The following TNNI3K variants were observed in gnomAD, a reference collection of about 807,000 sequenced individuals.
The protein encoded by TNNI3K is serine/threonine-protein kinase TNNI3K.
In TNNI3K, 140 loss-of-function variants were observed where a neutral mutation model predicts 114.5. The ratio of observed to expected loss-of-function variants is 1.22; its 90% CI spans 1.07 to 1.41. The LOEUF (loss-of-function observed/expected upper bound fraction) is 1.41, where lower values mean the gene tolerates loss of function less well. Among genes scored for constraint, TNNI3K ranks in the 40% most tolerant of loss-of-function variants. TNNI3K has a pLI of 0.00. For missense variants in TNNI3K, 1,125 were observed against 1,007.6 expected (o/e 1.12, Z -1.58); for synonymous variants, 347 against 347.5 (o/e 1.00, Z 0.02).
chr1:74,469,578 CTT>C (rs3835392), intron 21 of TNNI3K: 334 of 207,822 alleles, frequency 1.6e-3, no homozygotes, highest in East Asian at 6.3e-3. Context: ...TTGTTTAAGG[CTT>C]TTTTTTTTTC....
rs913707280 is a variant in TNNI3K, at chr1:74,538,076, C to A, written c.2352-2158C>A. ...CTAAAATGCTCATTCTTAACCGTAG[C>A]ACTATACTGCTTCCTGCCAGGGATA... is the stretch of plus-strand genomic sequence containing the variant. On this transcript the variant is annotated intron_variant, in intron 23 of 24. Coordinates refer to ENST00000326637, the MANE Select transcript of TNNI3K (RefSeq NM_015978.3). 2.6e-5 allele frequency among the ~76,000 whole-genome samples: 4 copies of A among 152,190 alleles called. 1 individual carries two copies. The highest frequency in any genetic ancestry group is 6.6e-5 in the Admixed American group (1 of 15,258).
At chr1:74,248,860 T>C (rs1452699932) in intron 2 of TNNI3K, among the ~76,000 whole-genome samples, 1 of 152,214 alleles carries the variant, frequency 6.6e-6, no homozygotes, top group Non-Finnish European at 1.5e-5. Flanking sequence ...ATGTCTTGTA[T>C]CTCTTGTGCC....
At chr1:74,419,582 G>A (rs1382618723) in intron 17 of TNNI3K, among the ~76,000 whole-genome samples, 1 of 151,998 alleles carries the variant, frequency 6.6e-6, no homozygotes, top group Non-Finnish European at 1.5e-5. Flanking sequence ...TGTGATGTGT[G>A]TACATTGTGT....
chr1:74,332,619 A>G lies in TNNI3K; in HGVS notation c.543+1071A>G, dbSNP rs114577796. ...CCAGCCTATTTGCCCATTCTTATCAATGGTATACATGAAGCTCAGTCAGGT... is the reference window on the plus strand; with the variant it reads ...CCAGCCTATTTGCCCATTCTTATCAGTGGTATACATGAAGCTCAGTCAGGT... On this transcript the variant is annotated intron_variant, in intron 6 of 24. Transcript: ENST00000326637. Among the ~76,000 whole-genome samples, 625 of 152,138 alleles carry G rather than the reference A, an allele frequency of 4.1e-3. 4 individuals carry two copies. Among genetic ancestry groups the G allele is most frequent in the African/African-American group, 0.014 (601 of 41,504 alleles).
chr1:74,365,602 T>C (rs1427770698), intron 11 of TNNI3K, among the ~76,000 whole-genome samples: 1 of 152,134 alleles, frequency 6.6e-6, no homozygotes, highest in East Asian at 1.9e-4. Context: ...GTAGCCACAC[T>C]GGCCTTTTTT....
In TNNI3K at chr1:74,256,283, C is replaced by CT. The variant is rs61636791; in HGVS notation, c.333+5547dup. Among the ~76,000 whole-genome samples the CT allele has an allele frequency of 3.3e-3, 140 of 42,770 alleles. 1 individual carries two copies. The highest frequency in any genetic ancestry group is 4.7e-3 in the Non-Finnish European group (95 of 20,048). The allele number at this position is 42,770 out of a possible 152,430, so 28.1% of individuals were successfully genotyped here. On this transcript the variant is annotated intron_variant, in intron 4 of 24. Transcript: ENST00000326637. ...CTTTCCGGCACTTGGTGTGGTCAGT[C>CT]TTTTTTTTTTTTTTTTTTTTTTTTT...
chr1:74,367,927 T>A lies in TNNI3K; in HGVS notation c.1284T>A (p.Val428=). ...QPGGDGSYVS[V]PSPLGKIKSM... ...TTCTAGATGGCTCCTATGTGTCTGT[T>A]CCATCACCCTTGGGGAAGATTAAAA... The change falls in exon 13 of 25, where the codon GTT becomes GTA. Residue 428 remains valine (V), a synonymous_variant. Coordinates refer to ENST00000326637, the MANE Select transcript of TNNI3K (RefSeq NM_015978.3). 6.3e-7 allele frequency: 1 copy of A among 1,577,264 alleles called. No homozygotes were observed. Among genetic ancestry groups the A allele is most frequent in the Admixed American group, 1.9e-5 (1 of 52,830 alleles).
chr1:74,292,310 A>T (rs1657729949), intron 5 of TNNI3K, among the ~76,000 whole-genome samples: 1 of 151,486 alleles, frequency 6.6e-6, no homozygotes, highest in Admixed American at 6.6e-5. Context: ...AGATGGATGC[A>T]TAGCTTAGCT....
At chr1:74,543,062 CCCTT>C (rs1367113952) in intron 24 of TNNI3K, among the ~76,000 whole-genome samples, 36,405 of 104,478 alleles carry the variant, frequency 0.35, 12,629 homozygotes, top group Non-Finnish European at 0.45. Context: ...TTTTCTTTTT[CCCTT>C]TTTTTTTTTT....
chr1:74,504,651 AG>A (rs1220516530), intron 23 of TNNI3K, among the ~76,000 whole-genome samples: 17 of 152,276 alleles, frequency 1.1e-4, no homozygotes, highest in Admixed American at 3.9e-4. Flanking sequence ...AAAAAATTTA[AG>A]TACCTGGATT....
chr1:74,396,876 T>C (rs1303504862), intron 17 of TNNI3K, among the ~76,000 whole-genome samples: 1 of 152,206 alleles, frequency 6.6e-6, no homozygotes, highest in African/African-American at 2.4e-5. Flanking sequence ...GGGCAAGGCC[T>C]CTTAGAGGTT....
intron 23 of TNNI3K, among the ~76,000 whole-genome samples, chr1:74,521,421 A>T (rs1185339204): frequency 1.3e-5 from 2 of 152,178 alleles, no homozygotes; most frequent in African/African-American, 4.8e-5. Flanking sequence ...ATAAATGTTA[A>T]CTATTTTATG....
At chr1:74,415,737 GT>G (rs937080843) in intron 17 of TNNI3K, among the ~76,000 whole-genome samples, 24 of 137,554 alleles carry the variant, frequency 1.7e-4, no homozygotes, top group Middle Eastern at 3.7e-3. Flanking sequence ...AATTTTCTTT[GT>G]TTTTTTTTTC....
intron 11 of TNNI3K, among the ~76,000 whole-genome samples, chr1:74,354,332 A>G (rs1325741957): frequency 1.3e-5 from 2 of 152,174 alleles, no homozygotes; most frequent in Non-Finnish European, 2.9e-5. Flanking sequence ...CAGATGAACC[A>G]AAGGCATTCT....
At chr1:74,270,381 A>G (rs1192537169) in intron 4 of TNNI3K, among the ~76,000 whole-genome samples, 2 of 151,788 alleles carry the variant, frequency 1.3e-5, no homozygotes, top group Non-Finnish European at 2.9e-5. Context: ...AAAAAAAACA[A>G]AACTTTTTTT....
At chr1:74,481,735 G>A (rs936701937) in intron 21 of TNNI3K, among the ~76,000 whole-genome samples, 6 of 152,108 alleles carry the variant, frequency 3.9e-5, no homozygotes, top group African/African-American at 1.4e-4. Context: ...AGAAATCAAA[G>A]CATTTTAACT....
In TNNI3K at chr1:74,261,845, G is replaced by T. The variant is rs147514757; in HGVS notation, c.334-9753G>T. ...ATCCCATCCTATATATTTCTTGCAA[G>T]ATTTAATTCCTATCATTCAGAAACA... is the stretch of plus-strand genomic sequence containing the variant. On this transcript the variant is annotated intron_variant, in intron 4 of 24. Coordinates refer to ENST00000326637, the MANE Select transcript of TNNI3K (RefSeq NM_015978.3). 3.7e-3 allele frequency among the ~76,000 whole-genome samples: 567 copies of T among 152,172 alleles called. 5 individuals carry two copies. The highest frequency in any genetic ancestry group is 5.9e-3 in the Non-Finnish European group (399 of 67,980).
At chr1:74,511,463 G>C (rs1455659010) in intron 23 of TNNI3K, among the ~76,000 whole-genome samples, 3 of 152,116 alleles carry the variant, frequency 2.0e-5, no homozygotes, top group Non-Finnish European at 4.4e-5. Flanking sequence ...TTTATTTAAA[G>C]AATTAACAAT....
At chr1:74,389,152 A>G (rs1170389851) in intron 17 of TNNI3K, among the ~76,000 whole-genome samples, 1 of 152,232 alleles carries the variant, frequency 6.6e-6, no homozygotes, top group East Asian at 1.9e-4. Flanking sequence ...TCAGGAGGAA[A>G]TTAAAATAGC....
Sources: allele counts gnomAD v4.1 joint callset (sites outside exome capture counted in the v4.1 genomes callset), GRCh38; gene constraint gnomAD v4.1.1; transcripts MANE v1.5; gene names NCBI Gene and HGNC (gene_info 2026-07-23, HGNC 2026-07-21).